Variants in RTL9 observed in about 807,000 individuals in gnomAD.
RTL9 encodes retrotransposon Gag-like protein 9.
In RTL9, 19 loss-of-function variants were observed where a neutral mutation model predicts 44.7. The ratio of observed to expected loss-of-function variants is 0.42; its 90% CI spans 0.30 to 0.62. RTL9 has a LOEUF of 0.62. RTL9 is among the 20% of genes least tolerant of loss of function. The pLI, the probability that RTL9 is intolerant of heterozygous loss-of-function variation, is 0.16. For missense variants in RTL9, 1,105 were observed against 1,080.6 expected, an observed-to-expected ratio of 1.02 and a Z score of -0.32; for synonymous variants, 407 against 398.9, an observed-to-expected ratio of 1.02 and a Z score of -0.24.
chrX:110,405,099 C>T (rs776491130), intron 1 of RTL9, among the ~76,000 whole-genome samples: 4,595 of 101,281 alleles, frequency 0.045, 168 homozygotes, highest in African/African-American at 0.11. Context: ...CCCCCCCCCC[C>T]CCAAGCATGA....
chrX:110,431,912 C>T (rs2068799838), intron 1 of RTL9, among the ~76,000 whole-genome samples: 4 of 111,859 alleles, frequency 3.6e-5, no homozygotes, highest in Admixed American at 9.4e-5. Context: ...TGAGAGTTGA[C>T]ACTGTCCAAA....
upstream of RTL9, among the ~76,000 whole-genome samples, chrX:110,446,129 T>C (rs1299433577): frequency 9.0e-6 from 1 of 111,185 alleles, no homozygotes; most frequent in Non-Finnish European, 1.9e-5. Context: ...TGAATGCCAT[T>C]GCAGCTAGAG....
chrX:110,455,375 T>G, exon 2 of RTL9: 1 of 1,188,546 alleles, frequency 8.4e-7, no homozygotes, highest in Non-Finnish European at 1.1e-6. Flanking sequence ...ACTGGAGGAC[T>G]GGTTCCTGGA....
At chrX:110,410,207 C>T (rs1235015404) in intron 1 of RTL9, among the ~76,000 whole-genome samples, 1 of 111,338 alleles carries the variant, frequency 9.0e-6, no homozygotes, top group Non-Finnish European at 1.9e-5. Context: ...TTTTCCTCCC[C>T]TGTATTGGTG....
At chrX:110,411,705 A>G (rs2068643111) in intron 1 of RTL9, among the ~76,000 whole-genome samples, 1 of 112,548 alleles carries the variant, frequency 8.9e-6, no homozygotes, top group South Asian at 3.7e-4. Context: ...GAAGGAAGAC[A>G]ATGGTTTATT....
At position 110,452,670 on chromosome X, in the gene RTL9, A is replaced by G. The variant is rs1361528387; in HGVS notation, c.2053A>G (p.Thr685Ala). The G allele has an allele frequency of 2.5e-6, 3 of 1,211,642 alleles. No homozygotes were observed. Among genetic ancestry groups the G allele is most frequent in the East Asian group, 3.0e-5 (1 of 33,847 alleles). Residue 685 changes from threonine (T) to alanine (A), a missense_variant, in exon 1 of 2, where the codon ACA (threonine) becomes GCA (alanine). Transcript: ENST00000540313. The stretch of plus-strand genomic sequence containing the variant: ...TGGAGCAATGTCCACATCACAAATG[A>G]CAGCCACAGTCTCTGGAGGGATGTC...
intron 1 of RTL9, among the ~76,000 whole-genome samples, chrX:110,432,349 G>A (rs1215043332): frequency 8.9e-6 from 1 of 112,275 alleles, no homozygotes; most frequent in Admixed American, 9.4e-5. Flanking sequence ...TTCTTTCTAG[G>A]CATTTAGCTG....
chrX:110,453,001 T>A, exon 1 of RTL9: 1 of 1,210,859 alleles, frequency 8.3e-7, no homozygotes, highest in Non-Finnish European at 1.1e-6. Flanking sequence ...GAGATGTCCC[T>A]ACCACTAATG....
At chrX:110,453,921 T>C (rs1447224634) in exon 1 of RTL9, 1 of 1,211,904 alleles carries the variant, frequency 8.3e-7, no homozygotes, top group East Asian at 3.0e-5. Flanking sequence ...AGCCACAGAC[T>C]CTGGAGAGGC....
chrX:110,364,890 A>C (rs1366487921), intron 1 of RTL9, among the ~76,000 whole-genome samples: 1 of 112,185 alleles, frequency 8.9e-6, no homozygotes, highest in Non-Finnish European at 1.9e-5. Flanking sequence ...CTGTAGTGCC[A>C]ACTATATTTG....
intron 1 of RTL9, among the ~76,000 whole-genome samples, chrX:110,429,828 T>C (rs1157681363): frequency 8.9e-6 from 1 of 112,726 alleles, no homozygotes; most frequent in Non-Finnish European, 1.9e-5. Flanking sequence ...GGCAATGTTT[T>C]CAAAATCTTT....
intron 1 of RTL9, among the ~76,000 whole-genome samples, chrX:110,399,361 C>G (rs898747700): frequency 8.9e-6 from 1 of 112,393 alleles, no homozygotes. Flanking sequence ...TTTAAACCTA[C>G]GCTGGTCTGG....
chrX:110,442,142 G>A (rs1190967513), intron 1 of RTL9, among the ~76,000 whole-genome samples: 1 of 110,642 alleles, frequency 9.0e-6, no homozygotes, highest in Non-Finnish European at 1.9e-5. Flanking sequence ...GCAAACTGGT[G>A]AGCACGTGCC....
chrX:110,397,135 T>G (rs2068533842), intron 1 of RTL9, among the ~76,000 whole-genome samples: 1 of 111,604 alleles, frequency 9.0e-6, no homozygotes, highest in South Asian at 3.8e-4. Flanking sequence ...GCTTAACTGC[T>G]TTTCTGTTCC....
At chrX:110,454,178 A>G in exon 1 of RTL9, 5 of 1,212,011 alleles carry the variant, frequency 4.1e-6, no homozygotes, top group Middle Eastern at 2.3e-4. Flanking sequence ...AGAGAATGGC[A>G]TTTCTGGTAT....
At chrX:110,399,626 G>A (rs1323897456) in intron 1 of RTL9, among the ~76,000 whole-genome samples, 2 of 112,220 alleles carry the variant, frequency 1.8e-5, no homozygotes, top group Non-Finnish European at 3.8e-5. Flanking sequence ...TGTGAAAGGC[G>A]ACCTGGTTCA....
At position 110,408,978 on chromosome X, in the gene RTL9, A is replaced by G. The variant is rs183321441; in HGVS notation, c.-167-36175A>G. On this transcript the variant is annotated intron_variant, in intron 1 of 2. Transcript: ENST00000520821. ...TGAAGCAAAAGCAGATTTATTATAAAAGAGAGGATGTTAAGTCTGATAAGG... is the reference window on the plus strand; with the variant it reads ...TGAAGCAAAAGCAGATTTATTATAAGAGAGAGGATGTTAAGTCTGATAAGG... Among the ~76,000 whole-genome samples the G allele has an allele frequency of 4.1e-3, 461 of 112,092 alleles. 1 individual carries two copies. The highest frequency in any genetic ancestry group is 6.7e-3 in the Admixed American group (71 of 10,575).
rs148619359 is a variant in RTL9, at chrX:110,452,623, C to T, written c.2006C>T (p.Ser669Leu). 19 of 1,209,275 alleles carry T rather than the reference C, an allele frequency of 1.6e-5. No individual in the cohort carries two copies. Among genetic ancestry groups the T allele is most frequent in the Admixed American group, 8.7e-5 (4 of 45,781 alleles). The change falls in exon 1 of 2, where the codon TCG becomes TTG. Residue 669 changes from serine to leucine, a missense_variant. Ser to Leu is a moderately radical substitution (Grantham distance 145). Coordinates refer to ENST00000540313, the Ensembl canonical transcript of RTL9. Reference sequence around the variant, plus strand: ...ACAGCCTCTGGAGGGTTGTCTGCATCGCTAATGAGAGACACAGCTTCTGGA... The same window carrying T: ...ACAGCCTCTGGAGGGTTGTCTGCATTGCTAATGAGAGACACAGCTTCTGGA...
chrX:110,448,538 G>T (rs1257846342), upstream of RTL9, among the ~76,000 whole-genome samples: 2 of 108,575 alleles, frequency 1.8e-5, no homozygotes, highest in Non-Finnish European at 3.8e-5. Flanking sequence ...AGTTGCATAG[G>T]CCAAGTGCTA....
Sources: allele counts gnomAD v4.1 joint callset (sites outside exome capture counted in the v4.1 genomes callset), GRCh38; gene constraint gnomAD v4.1.1; transcripts MANE v1.5; gene names NCBI Gene and HGNC (gene_info 2026-07-23, HGNC 2026-07-21).